Variants in TENM3 observed in about 807,000 individuals in gnomAD.
TENM3 encodes teneurin-3.
In TENM3, 63 loss-of-function variants were observed where a neutral mutation model predicts 255.1. The observed-to-expected ratio is 0.25, with a 90% CI of 0.20 to 0.30. The LOEUF is 0.30. Ranked by LOEUF, TENM3 falls within the 10% of genes least tolerant of loss-of-function variation. The probability of loss-of-function intolerance (pLI) is 1.00; values close to 1 mark genes in which losing one functional copy is unlikely to be tolerated. For synonymous variants in TENM3, 1,306 were observed against 1,322.3 expected (o/e 0.99, Z 0.27); for missense variants, 2,929 against 3,461.1 (o/e 0.85, Z 3.86).
the TENM3 span, among the ~76,000 whole-genome samples, chr4:181,736,468 A>G: frequency 2.0e-5 from 3 of 152,010 alleles, no homozygotes; most frequent in Non-Finnish European, 2.9e-5. Flanking sequence ...GCCTTTGGAT[A>G]TAAGTCCCAC....
the TENM3 span, among the ~76,000 whole-genome samples, chr4:182,135,481 T>G: frequency 6.6e-6 from 1 of 152,226 alleles, no homozygotes; most frequent in Non-Finnish European, 1.5e-5. Context: ...TGAACCAGGT[T>G]TAGTCTCTTA....
At chr4:182,513,059 A>C (rs192897924) in intron 3 of TENM3, among the ~76,000 whole-genome samples, 1 of 152,304 alleles carries the variant, frequency 6.6e-6, no homozygotes, top group African/African-American at 2.4e-5. Context: ...ATTAATGCTT[A>C]GGATATTTAT....
the TENM3 span, among the ~76,000 whole-genome samples, chr4:181,922,655 A>C: frequency 6.6e-6 from 1 of 151,888 alleles, no homozygotes; most frequent in African/African-American, 2.4e-5. Flanking sequence ...CTAGCAGTCT[A>C]TCAATTTTGT....
intron 1 of TENM3, among the ~76,000 whole-genome samples, chr4:182,221,973 TA>T (rs1755877213): frequency 6.6e-6 from 1 of 152,160 alleles, no homozygotes. Context: ...ATATTCATCT[TA>T]ATTTGATCAT....
At chr4:182,264,964 A>G (rs1267712404) in intron 1 of TENM3, among the ~76,000 whole-genome samples, 1 of 145,038 alleles carries the variant, frequency 6.9e-6, no homozygotes, top group Admixed American at 6.9e-5. Context: ...ATTTTTCTCC[A>G]TTTTTTTTTT....
At chr4:181,728,001 T>A in the TENM3 span, among the ~76,000 whole-genome samples, 1 of 152,222 alleles carries the variant, frequency 6.6e-6, no homozygotes, top group African/African-American at 2.4e-5. Flanking sequence ...TTTTTTAAAT[T>A]GCTTATAGAT....
the TENM3 span, among the ~76,000 whole-genome samples, chr4:181,530,564 C>T: frequency 6.6e-6 from 1 of 152,160 alleles, no homozygotes; most frequent in African/African-American, 2.4e-5. Context: ...ATTTTTCCCC[C>T]CATTGCTAAC....
the TENM3 span, among the ~76,000 whole-genome samples, chr4:181,892,663 C>CT: frequency 6.6e-6 from 1 of 152,126 alleles, no homozygotes; most frequent in Admixed American, 6.6e-5. Flanking sequence ...CACTCCTAGT[C>CT]TTTTTTCTCT....
At chr4:181,535,403 G>A in the TENM3 span, among the ~76,000 whole-genome samples, 1 of 152,166 alleles carries the variant, frequency 6.6e-6, no homozygotes, top group Non-Finnish European at 1.5e-5. Flanking sequence ...TAGGCCTAAA[G>A]GCCAATCAGC....
At chr4:182,049,631 C>T in the TENM3 span, among the ~76,000 whole-genome samples, 2 of 152,190 alleles carry the variant, frequency 1.3e-5, no homozygotes, top group Admixed American at 1.3e-4. Context: ...ATCACAATTA[C>T]ATTAAATGCC....
At chr4:181,911,148 G>A in the TENM3 span, among the ~76,000 whole-genome samples, 1 of 152,148 alleles carries the variant, frequency 6.6e-6, no homozygotes, top group African/African-American at 2.4e-5. Context: ...GGGTAATTTG[G>A]TCAGAACACA....
At chr4:182,399,615 T>A (rs1312836208) in intron 3 of TENM3, among the ~76,000 whole-genome samples, 1 of 152,190 alleles carries the variant, frequency 6.6e-6, no homozygotes, top group Non-Finnish European at 1.5e-5. Context: ...ACAAAACAAG[T>A]TTTCCTCTGC....
intron 4 of TENM3, among the ~76,000 whole-genome samples, chr4:182,602,333 CA>C (rs1273752450): frequency 2.6e-5 from 4 of 152,170 alleles, no homozygotes; most frequent in Admixed American, 1.3e-4. Flanking sequence ...GACTGTCCCC[CA>C]AAATGTCCTG....
intron 3 of TENM3, among the ~76,000 whole-genome samples, chr4:182,365,334 C>G (rs1197106278): frequency 6.6e-6 from 1 of 152,148 alleles, no homozygotes; most frequent in South Asian, 2.1e-4. Flanking sequence ...TGCTTTTTCT[C>G]CCTTGTGTAT....
At chr4:182,714,275 C>T (rs1199598282) in intron 13 of TENM3, 42 bp downstream of exon 13, 1 of 1,255,240 alleles carries the variant, frequency 8.0e-7, no homozygotes, top group Non-Finnish European at 1.1e-6. Context: ...TGCCAGAGCA[C>T]AGGTTCGTAA....
At chr4:182,219,696 AAC>A (rs1755731689) in intron 1 of TENM3, among the ~76,000 whole-genome samples, 1 of 152,120 alleles carries the variant, frequency 6.6e-6, no homozygotes, top group Non-Finnish European at 1.5e-5. Context: ...AGGAAAAGAA[AAC>A]ACATACCATC....
chr4:182,528,891 C>A (rs941392699), intron 3 of TENM3, among the ~76,000 whole-genome samples: 1 of 152,206 alleles, frequency 6.6e-6, no homozygotes. Context: ...ATGTGGCCTG[C>A]GGCCCAGAGG....
chr4:182,278,329 T>C (rs1760144199), intron 1 of TENM3, among the ~76,000 whole-genome samples: 1 of 151,772 alleles, frequency 6.6e-6, no homozygotes, highest in African/African-American at 2.4e-5. Flanking sequence ...GTCTAGTCAT[T>C]GCACTCCAGC....
intron 4 of TENM3, among the ~76,000 whole-genome samples, chr4:182,605,389 C>T (rs1040090270): frequency 6.7e-6 from 1 of 149,402 alleles, no homozygotes; most frequent in African/African-American, 2.5e-5. Context: ...AAAAGAGGTC[C>T]AAAAATGAAG....
Sources: allele counts gnomAD v4.1 joint callset (sites outside exome capture counted in the v4.1 genomes callset), GRCh38; gene constraint gnomAD v4.1.1; transcripts MANE v1.5; gene names NCBI Gene and HGNC (gene_info 2026-07-23, HGNC 2026-07-21).